The following ABTB3 variants were observed in gnomAD, a reference collection of about 807,000 sequenced individuals.
The protein encoded by ABTB3 is ankyrin repeat and BTB domain containing 3, also known as ankyrin repeat- and BTB/POZ domain-containing protein 3.
At chr12:107,399,809 G>T in the ABTB3 span, among the ~76,000 whole-genome samples, 80 of 152,214 alleles carry the variant, frequency 5.3e-4, no homozygotes, top group East Asian at 8.7e-3. Flanking sequence ...CATGCATTAG[G>T]TGTTTGTCCT....
chr12:107,607,146 C>T, the ABTB3 span, among the ~76,000 whole-genome samples: 1 of 152,212 alleles, frequency 6.6e-6, no homozygotes, highest in South Asian at 2.1e-4. Flanking sequence ...AGATAAAAGT[C>T]AAGACACCCA....
chr12:107,579,189 C>A, the ABTB3 span, among the ~76,000 whole-genome samples: 2 of 152,200 alleles, frequency 1.3e-5, no homozygotes, highest in Admixed American at 1.3e-4. Context: ...GGGCTTGAAG[C>A]CTTACAGACA....
the ABTB3 span, among the ~76,000 whole-genome samples, chr12:107,598,724 G>C: frequency 6.6e-6 from 1 of 152,152 alleles, no homozygotes; most frequent in African/African-American, 2.4e-5. Context: ...ATAAACTCAG[G>C]GAATGTCCAT....
At chr12:107,644,055 A>G in the ABTB3 span, among the ~76,000 whole-genome samples, 2 of 152,298 alleles carry the variant, frequency 1.3e-5, no homozygotes, top group African/African-American at 4.8e-5. Flanking sequence ...AGCATGAGCT[A>G]CTACGTGTGG....
At chr12:107,589,990 A>G in the ABTB3 span, among the ~76,000 whole-genome samples, 410 of 152,170 alleles carry the variant, frequency 2.7e-3, 9 homozygotes, top group East Asian at 0.041. Context: ...GCTCACTGCA[A>G]CCTCCACCTC....
chr12:107,457,600 G>A, the ABTB3 span, among the ~76,000 whole-genome samples: 1 of 152,210 alleles, frequency 6.6e-6, no homozygotes, highest in East Asian at 1.9e-4. Context: ...AATGCTGCGA[G>A]CTCAGAGCTG....
chr12:107,550,563 TTTTC>T, the ABTB3 span, among the ~76,000 whole-genome samples: 13 of 148,394 alleles, frequency 8.8e-5, no homozygotes, highest in African/African-American at 2.3e-4. Flanking sequence ...ATTCTTCTAA[TTTTC>T]TTTCTTTCTT....
At chr12:107,556,684 C>T in the ABTB3 span, among the ~76,000 whole-genome samples, 16 of 152,122 alleles carry the variant, frequency 1.1e-4, no homozygotes, top group Middle Eastern at 3.4e-3. Flanking sequence ...TAGTTTTGTC[C>T]CTGGCTTAGG....
the ABTB3 span, among the ~76,000 whole-genome samples, chr12:107,457,243 G>A: frequency 3.3e-5 from 5 of 152,144 alleles, no homozygotes; most frequent in Non-Finnish European, 4.4e-5. Flanking sequence ...CTGGAATAAT[G>A]GTCTGACAAG....
At chr12:107,627,288 C>G in the ABTB3 span, among the ~76,000 whole-genome samples, 10 of 152,274 alleles carry the variant, frequency 6.6e-5, no homozygotes, top group East Asian at 1.9e-3. Context: ...TCCTTTTTCT[C>G]TATGGTCAGG....
chr12:107,414,722 CT>C, the ABTB3 span, among the ~76,000 whole-genome samples: 2,994 of 139,802 alleles, frequency 0.021, 101 homozygotes, highest in African/African-American at 0.072. Flanking sequence ...TTTTCTTTTT[CT>C]TTTTTTTTTT....
chr12:107,579,279 A>G, the ABTB3 span, among the ~76,000 whole-genome samples: 1 of 152,216 alleles, frequency 6.6e-6, no homozygotes, highest in Non-Finnish European at 1.5e-5. Context: ...CCCTGGGGTG[A>G]CAGGTGCATG....
At chr12:107,437,594 G>T in the ABTB3 span, among the ~76,000 whole-genome samples, 4 of 152,038 alleles carry the variant, frequency 2.6e-5, no homozygotes, top group Admixed American at 1.3e-4. Flanking sequence ...TAAAGACGGG[G>T]TTTCACCATG....
At chr12:107,319,831 C>G in the ABTB3 span, 10 of 1,249,574 alleles carry the variant, frequency 8.0e-6, no homozygotes, top group Non-Finnish European at 1.0e-5. Context: ...GAGCGGCGAG[C>G]GGCGGCGCCT....
the ABTB3 span, among the ~76,000 whole-genome samples, chr12:107,365,411 A>G: frequency 1.7e-3 from 255 of 152,318 alleles, 4 homozygotes; most frequent in African/African-American, 5.9e-3. Context: ...CACAATACAC[A>G]GAGTAGACAC....
the ABTB3 span, among the ~76,000 whole-genome samples, chr12:107,424,874 C>CCTGATTA: frequency 6.6e-6 from 1 of 152,118 alleles, no homozygotes; most frequent in Admixed American, 6.5e-5. Context: ...GTGAATGGGC[C>CCTGATTA]ACGCCTGTTA....
At chr12:107,593,379 A>T in the ABTB3 span, among the ~76,000 whole-genome samples, 2 of 152,158 alleles carry the variant, frequency 1.3e-5, no homozygotes, top group Non-Finnish European at 1.5e-5. Context: ...TGTTACTAGG[A>T]GTGCATTTGG....
the ABTB3 span, among the ~76,000 whole-genome samples, chr12:107,357,727 G>A: frequency 1.3e-5 from 2 of 152,328 alleles, no homozygotes; most frequent in East Asian, 3.9e-4. Context: ...AAATGATGGT[G>A]CTCAGAGCGT....
At chr12:107,572,073 C>T in the ABTB3 span, among the ~76,000 whole-genome samples, 44 of 152,302 alleles carry the variant, frequency 2.9e-4, no homozygotes, top group South Asian at 1.0e-3. Context: ...CAGTCTTTAC[C>T]TATGTGATTC....
Sources: allele counts gnomAD v4.1 joint callset (sites outside exome capture counted in the v4.1 genomes callset), GRCh38; gene constraint gnomAD v4.1.1; transcripts MANE v1.5; gene names NCBI Gene and HGNC (gene_info 2026-07-23, HGNC 2026-07-21).